Variants in CCL5 observed in about 807,000 individuals in gnomAD.
CCL5 encodes the protein C-C motif chemokine 5.
In CCL5, 5 loss-of-function variants were observed where a neutral mutation model predicts 9.0. The observed-to-expected ratio is 0.55, with a 90% CI of 0.29 to 1.16. The LOEUF is 1.16. Ranked by LOEUF, CCL5 falls within the 50% of genes most tolerant of loss-of-function variation. The pLI, the probability that CCL5 is intolerant of heterozygous loss-of-function variation, is 0.08. For synonymous variants in CCL5, 66 were observed against 72.0 expected (o/e 0.92, Z 0.42); for missense variants, 183 against 183.2 (o/e 1.00, Z 0.01).
chr17:35,879,736 T>C (rs1456613676), intron 1 of CCL5, among the ~76,000 whole-genome samples: 1 of 152,168 alleles, frequency 6.6e-6, no homozygotes, highest in Non-Finnish European at 1.5e-5. Flanking sequence ...CTTGTTTTTA[T>C]TTGTTTTTTA....
intron 3 of CCL5, among the ~76,000 whole-genome samples, chr17:35,875,009 C>T (rs922509268): frequency 1.3e-5 from 2 of 151,604 alleles, no homozygotes; most frequent in South Asian, 2.1e-4. Context: ...ACAGAAATTC[C>T]GCCTTTGCTT....
At chr17:35,874,203 T>A (rs973780296) in intron 3 of CCL5, among the ~76,000 whole-genome samples, 1 of 152,238 alleles carries the variant, frequency 6.6e-6, no homozygotes, top group Non-Finnish European at 1.5e-5. Context: ...ATTTGAACAC[T>A]GATTTTACTT....
At chr17:35,879,267 A>G (rs2088482330) in intron 1 of CCL5, among the ~76,000 whole-genome samples, 1 of 152,156 alleles carries the variant, frequency 6.6e-6, no homozygotes, top group African/African-American at 2.4e-5. Flanking sequence ...TGGACAAGTT[A>G]CTTAACCTCT....
At chr17:35,876,490 C>T (rs376076572) in intron 2 of CCL5, among the ~76,000 whole-genome samples, 1 of 152,178 alleles carries the variant, frequency 6.6e-6, no homozygotes, top group Admixed American at 6.6e-5. Context: ...TCCTTAACCC[C>T]CATTTTTCTC....
chr17:35,874,051 T>C (rs1026907865), intron 3 of CCL5, among the ~76,000 whole-genome samples: 2 of 152,196 alleles, frequency 1.3e-5, no homozygotes, highest in South Asian at 2.1e-4. Context: ...AAACTGATTC[T>C]ACCTGTGCGA....
intron 3 of CCL5, among the ~76,000 whole-genome samples, chr17:35,872,887 T>A (rs2088390249): frequency 1.3e-5 from 2 of 151,628 alleles, no homozygotes; most frequent in Admixed American, 1.3e-4. Context: ...GACAAGAAGT[T>A]CTTTTTTTTT....
At chr17:35,875,701 T>C in intron 2 of CCL5, 3 of 713,650 alleles carry the variant, frequency 4.2e-6, no homozygotes, top group Non-Finnish European at 5.2e-6. Flanking sequence ...CAGGCCTCCA[T>C]TTCCTGCCCC....
chr17:35,878,508 T>C lies in CCL5; in HGVS notation c.188+20A>G. 1 of 1,555,204 alleles carries C rather than the reference T, an allele frequency of 6.4e-7. No individual in the cohort carries two copies. Among genetic ancestry groups the C allele is most frequent in the Non-Finnish European group, 8.9e-7 (1 of 1,126,942 alleles). On this transcript the variant is annotated intron_variant, in intron 2 of 3. Transcript: ENST00000651122. ...CTCAGGGAACAGGCTCTGGGAGGGC[T>C]CCATGGGGCTGAGACTCACACGACT...
At position 35,872,317 on chromosome 17, in the gene CCL5, G is replaced by A. The variant is rs770833181; in HGVS notation, c.418C>T (p.Leu140=). The change falls in exon 4 of 4, where the codon CTA becomes TTA. Residue 140 remains leucine, a synonymous_variant. Coordinates refer to ENST00000651122, the MANE Select transcript of CCL5 (RefSeq NM_001278736.2). ...TAGTGAGGGGAAGCCTCCCAAGCTA[G>A]GACAAGAGCAAGCAGAAACAGGCAA... is the stretch of plus-strand genomic sequence containing the variant. The A allele has an allele frequency of 2.5e-6, 4 of 1,607,566 alleles. No individual in the cohort carries two copies. In the South Asian group the frequency reaches 4.4e-5, roughly 18 times the overall value.
In CCL5 at chr17:35,873,213, G is replaced by A. The variant is rs549277876; in HGVS notation, c.271-749C>T. On this transcript the variant is annotated intron_variant, in intron 3 of 3. Transcript: ENST00000651122. ...CCTCTTTTTTTTTTTCCTTTGAGACGGAGTCTCACTGTCACCCAGGCTGGA... is the reference window on the plus strand; with the variant it reads ...CCTCTTTTTTTTTTTCCTTTGAGACAGAGTCTCACTGTCACCCAGGCTGGA... 2.1e-5 allele frequency among the ~76,000 whole-genome samples: 3 copies of A among 140,046 alleles called. 1 individual carries two copies. Among genetic ancestry groups the A allele is most frequent in the African/African-American group, 2.7e-5 (1 of 36,606 alleles). 91.9% of individuals were successfully genotyped at this position (140,046 alleles called of 152,430 possible). A position where few individuals can be genotyped will look rare whatever the true frequency, so the allele number is the denominator to read the frequency against.
intron 2 of CCL5, among the ~76,000 whole-genome samples, chr17:35,877,755 C>T (rs1382221007): frequency 5.3e-5 from 8 of 152,124 alleles, no homozygotes; most frequent in African/African-American, 1.7e-4. Context: ...AATCTCATTT[C>T]CTTATTTCTT....
chr17:35,873,478 C>T (rs1287289932), intron 3 of CCL5, among the ~76,000 whole-genome samples: 6 of 152,212 alleles, frequency 3.9e-5, no homozygotes, highest in Admixed American at 2.6e-4. Context: ...TGAGCCACCG[C>T]GCCTGGCCGA....
chr17:35,880,145 A>T, intron 1 of CCL5, 85 bp downstream of exon 1: 1 of 1,001,226 alleles, frequency 1.0e-6, no homozygotes, highest in Non-Finnish European at 1.6e-6. Context: ...AAAGAGGGCA[A>T]GGTGTGGGAC....
intron 3 of CCL5, among the ~76,000 whole-genome samples, chr17:35,875,270 T>G (rs1300631280): frequency 2.0e-5 from 3 of 152,224 alleles, no homozygotes; most frequent in Non-Finnish European, 4.4e-5. Flanking sequence ...TGGTAAAATA[T>G]TCATAACATA....
At position 35,880,281 on chromosome 17, in the gene CCL5, C is replaced by A. The variant is rs777737112; in HGVS notation, c.25G>T (p.Ala9Ser). 1.2e-6 allele frequency: 2 copies of A among 1,613,348 alleles called. No individual in the cohort carries two copies. Among genetic ancestry groups the A allele is most frequent in the South Asian group, 2.2e-5 (2 of 90,820 alleles). The change falls in exon 1 of 4, where the codon GCT becomes TCT. Residue 9 changes from alanine to serine, a missense_variant. Coordinates refer to ENST00000651122, the MANE Select transcript of CCL5 (RefSeq NM_001278736.2). ...AGGGCAGTAGCAATGAGGATGACAG[C>A]GAGGGCTGCCGCGGAGACCTTCATG...
Position 35,872,309 on chromosome 17 carries a change from C to A in CCL5, c.426G>T (p.Trp142Cys). 7 of 1,602,370 alleles carry A rather than the reference C, an allele frequency of 4.4e-6. No individual in the cohort carries two copies. The highest frequency in any genetic ancestry group is 6.0e-6 in the Non-Finnish European group (7 of 1,171,686). ...GGGTAGGATAGTGAGGGGAAGCCTC[C>A]CAAGCTAGGACAAGAGCAAGCAGAA... The change falls in exon 4 of 4, where the codon TGG becomes TGT. Residue 142 changes from tryptophan to cysteine, a missense_variant. Transcript: ENST00000651122.
intron 1 of CCL5, among the ~76,000 whole-genome samples, chr17:35,879,648 A>C (rs2088489829): frequency 6.6e-6 from 1 of 151,656 alleles, no homozygotes; most frequent in African/African-American, 2.4e-5. Flanking sequence ...AAAAAAAAAA[A>C]AAAAAAAAAA....
chr17:35,879,635 C>CAAA (rs35764706), intron 1 of CCL5, among the ~76,000 whole-genome samples: 51 of 48,472 alleles, frequency 1.1e-3, no homozygotes, highest in African/African-American at 1.4e-3. Flanking sequence ...GACTCCATCT[C>CAAA]AAAAAAAAAA....
intron 2 of CCL5, among the ~76,000 whole-genome samples, chr17:35,878,100 C>T (rs1025974053): frequency 5.9e-5 from 9 of 151,398 alleles, no homozygotes; most frequent in African/African-American, 7.3e-5. Flanking sequence ...CTGGCTAACA[C>T]GGTGAAACCC....
Sources: allele counts gnomAD v4.1 joint callset (sites outside exome capture counted in the v4.1 genomes callset), GRCh38; gene constraint gnomAD v4.1.1; transcripts MANE v1.5; gene names NCBI Gene and HGNC (gene_info 2026-07-23, HGNC 2026-07-21).